Variants in SF1 observed in about 807,000 individuals in gnomAD.
SF1 encodes the protein splicing factor 1, also known as branch point-binding protein.
In SF1, 7 loss-of-function variants were observed where a neutral mutation model predicts 62.5. That is an observed-to-expected ratio of 0.11 (90% CI 0.06 to 0.21). The LOEUF (loss-of-function observed/expected upper bound fraction) is 0.21. Among genes scored for constraint, SF1 ranks in the 10% least tolerant of loss-of-function variants. The pLI is 1.00. For synonymous variants in SF1, 394 were observed against 323.6 expected (o/e 1.22, Z -2.33); for missense variants, 578 against 884.0 (o/e 0.65, Z 4.39).
At chr11:64,769,713 A>C (rs982114098) in intron 5 of SF1, 104 bp from the exon 6 acceptor site, 3 of 1,087,010 alleles carry the variant, frequency 2.8e-6, no homozygotes, top group Non-Finnish European at 2.7e-6. Flanking sequence ...AAGCGCAGAG[A>C]ATTGGATTTT....
At chr11:64,768,370 GA>G in intron 8 of SF1, 84 bp from the exon 9 acceptor site, 1 of 1,295,594 alleles carries the variant, frequency 7.7e-7, no homozygotes, top group Non-Finnish European at 1.1e-6. Context: ...CCAACATATG[GA>G]AAGTTCTGAA....
intron 12 of SF1, 185 bp from the exon 13 acceptor site, chr11:64,766,340 G>A (rs903293662): frequency 3.4e-6 from 2 of 591,590 alleles, no homozygotes; most frequent in African/African-American, 1.9e-5. Flanking sequence ...CCTGGGGTCA[G>A]CCTCGAGGTC....
chr11:64,765,301 T>TA lies in SF1; in HGVS notation c.*516dup, dbSNP rs1028037700. The TA allele has an allele frequency of 4.8e-6, 3 of 630,374 alleles. No individual in the cohort carries two copies. Among genetic ancestry groups the TA allele is most frequent in the African/African-American group, 3.7e-5 (2 of 53,856 alleles). The allele number at this position is 630,374 out of a possible 1,614,324, so 39.0% of individuals were successfully genotyped here. On this transcript the variant is annotated 3_prime_UTR_variant, in exon 13 of 13. Coordinates refer to ENST00000377390, the MANE Select transcript of SF1 (RefSeq NM_004630.4). Reference sequence around the variant, plus strand: ...GACGGAGTCTGAAGAAAGGAAAAGATAAAGAAGTAACAAAGGAAAAAGAAA... The same window carrying TA: ...GACGGAGTCTGAAGAAAGGAAAAGATAAAAGAAGTAACAAAGGAAAAAGAAA...
chr11:64,772,391 G>A, intron 3 of SF1: 2 of 984,288 alleles, frequency 2.0e-6, no homozygotes, highest in African/African-American at 1.7e-5. Context: ...TCTATCTATA[G>A]GTAAAATATA....
Position 64,765,437 on chromosome 11 carries a change from C to A in SF1, c.*381G>T, listed in dbSNP as rs1250475574. ...CTGTCCACCAGGGGCGTTGCTGAGG[C>A]TGTCTGCCTGGAAGGGTCACCAATG... is the stretch of plus-strand genomic sequence containing the variant. On this transcript the variant is annotated 3_prime_UTR_variant, in exon 13 of 13. Coordinates refer to ENST00000377390, the MANE Select transcript of SF1 (RefSeq NM_004630.4). 6.3e-7 allele frequency: 1 copy of A among 1,589,556 alleles called. No homozygotes were observed. The highest frequency in any genetic ancestry group is 8.6e-7 in the Non-Finnish European group (1 of 1,157,936).
chr11:64,772,487 T>C (rs1938484883), intron 3 of SF1: 3 of 984,906 alleles, frequency 3.0e-6, no homozygotes, highest in Admixed American at 1.2e-4. Context: ...GAAAGATGCA[T>C]GAGTGAGTGA....
In SF1 at chr11:64,767,590, G is replaced by A. The variant is rs768706716; in HGVS notation, c.1323C>T (p.His441=). ...ACTTACCCATTGGAGGAGGGCCATG[G>A]TGCCCAGGAGGGTGGGGGCCCTGGT... ...PMNQGPHPPG[H]HGPPPMDQYL... The change falls in exon 10 of 13, where the codon CAC becomes CAT. Residue 441 remains histidine, a synonymous_variant. Transcript: ENST00000377390. 6 of 1,566,428 alleles carry A rather than the reference G, an allele frequency of 3.8e-6. No individual in the cohort carries two copies. Among genetic ancestry groups the A allele is most frequent in the Non-Finnish European group, 5.2e-6 (6 of 1,159,484 alleles).
chr11:64,778,062 C>G, intron 1 of SF1: 1 of 995,722 alleles, frequency 1.0e-6, no homozygotes, highest in Non-Finnish European at 1.2e-6. Context: ...GGCGGCGACA[C>G]GCGCTGGTAG....
rs2058728201 is a variant in SF1 at position 64,767,047 on chromosome 11, GCAT to G, written c.1432_1434del (p.Met478del). The G allele has an allele frequency of 6.4e-7, 1 of 1,560,816 alleles. No individual in the cohort carries two copies. Among genetic ancestry groups the G allele is most frequent in the African/African-American group, 1.4e-5 (1 of 73,246 alleles). On this transcript the variant is annotated inframe_deletion, in exon 12 of 13. Transcript: ENST00000377390. ...CCACTGGGAGGCGGCGGCGGCGGCG[GCAT>G]CATGCCCATAGGTGGTGGCGGCATC... is the stretch of plus-strand genomic sequence containing the variant.
intron 6 of SF1, 42 bp from the exon 7 acceptor site, chr11:64,769,380 A>G: frequency 6.2e-7 from 1 of 1,613,316 alleles, no homozygotes; most frequent in Admixed American, 1.7e-5. Context: ...TAGGGCCTCC[A>G]CCTAGGTTTC....
At chr11:64,766,855 A>ACCGCC in intron 12 of SF1, 45 bp downstream of exon 12, 33 of 528,724 alleles carry the variant, frequency 6.2e-5, no homozygotes, top group East Asian at 7.1e-5. Flanking sequence ...TGTCAGCCCC[A>ACCGCC]CCCCCATCCC....
At chr11:64,775,115 T>A (rs1033729987) in intron 2 of SF1, among the ~76,000 whole-genome samples, 3 of 152,114 alleles carry the variant, frequency 2.0e-5, no homozygotes, top group Non-Finnish European at 4.4e-5. Context: ...CAACTCGAGG[T>A]GAAAGTCACC....
In SF1 at chr11:64,765,758, G is replaced by A. The variant is rs1372842095; in HGVS notation, c.*60C>T. The stretch of plus-strand genomic sequence containing the variant: ...GTCTGGCTCCATATGGTGAGGTTCG[G>A]CGTGTTTAAACGAGACCAATTCTCT... On this transcript the variant is annotated 3_prime_UTR_variant, in exon 13 of 13. Coordinates refer to ENST00000377390, the MANE Select transcript of SF1 (RefSeq NM_004630.4). The A allele has an allele frequency of 2.3e-5, 34 of 1,482,954 alleles. No homozygotes were observed. Among genetic ancestry groups the A allele is most frequent in the Non-Finnish European group, 2.9e-5 (32 of 1,118,184 alleles). 91.9% of individuals were successfully genotyped at this position (1,482,954 alleles called of 1,614,324 possible).
intron 11 of SF1, 38 bp downstream of exon 11, chr11:64,767,154 G>T: frequency 6.2e-7 from 1 of 1,613,532 alleles, no homozygotes; most frequent in Non-Finnish European, 8.5e-7. Context: ...ACTCACCCAA[G>T]CCTAGGTGAA....
Position 64,771,749 on chromosome 11 carries a change from T to G in SF1, c.237-1341A>C, listed in dbSNP as rs1416907818. 6 of 985,076 alleles carry G rather than the reference T, an allele frequency of 6.1e-6. No homozygotes were observed. The African/African-American group carries it at 8.7e-5, about 14-fold the overall frequency. The allele number at this position is 985,076 out of a possible 1,614,324, so 61.0% of individuals were successfully genotyped here. ...GTCTACAAGAAAAGTTTTAAACATG[T>G]TTTTACTGTGCAAGTTAAGCAGCAT... On this transcript the variant is annotated intron_variant, in intron 3 of 12. Transcript: ENST00000377390.
chr11:64,771,884 C>A (rs1240898130), intron 3 of SF1: 2 of 985,282 alleles, frequency 2.0e-6, no homozygotes, highest in African/African-American at 3.5e-5. Flanking sequence ...CAAAACCAAT[C>A]AGGCATTAGG....
intron 1 of SF1, chr11:64,777,541 G>A (rs368058180): frequency 3.0e-5 from 30 of 985,352 alleles, no homozygotes; most frequent in East Asian, 1.1e-4. Context: ...AAGCAGAGGA[G>A]CTATCCTTGG....
intron 3 of SF1, chr11:64,772,087 C>CA: frequency 9.1e-6 from 9 of 985,410 alleles, no homozygotes; most frequent in Non-Finnish European, 9.6e-6. Context: ...TCCCAAATTG[C>CA]AGAAGTGAAA....
intron 2 of SF1, 122 bp from the exon 3 acceptor site, chr11:64,773,627 C>A (rs1938660304): frequency 1.8e-6 from 2 of 1,130,736 alleles, no homozygotes; most frequent in Non-Finnish European, 2.5e-6. Context: ...GACGACTGAT[C>A]AGTGAACACA....
Sources: allele counts gnomAD v4.1 joint callset (sites outside exome capture counted in the v4.1 genomes callset), GRCh38; gene constraint gnomAD v4.1.1; transcripts MANE v1.5; gene names NCBI Gene and HGNC (gene_info 2026-07-23, HGNC 2026-07-21).